Variants in SH3GL2 observed in about 807,000 individuals in gnomAD.
The protein encoded by SH3GL2 is endophilin-A1.
SH3GL2 carries 24 observed loss-of-function variants against 46.0 expected under a neutral mutation model. The ratio of observed to expected loss-of-function variants is 0.52; its 90% CI spans 0.38 to 0.73. The LOEUF (loss-of-function observed/expected upper bound fraction) is 0.73. Ranked by LOEUF, SH3GL2 falls within the 30% of genes least tolerant of loss-of-function variation. The pLI is 0.00. For missense variants in SH3GL2, 413 were observed against 424.2 expected, an observed-to-expected ratio of 0.97 and a Z score of 0.23; for synonymous variants, 196 against 147.1, an observed-to-expected ratio of 1.33 and a Z score of -2.40.
chr9:17,593,656 G>C (rs1818523293), intron 1 of SH3GL2, among the ~76,000 whole-genome samples: 1 of 152,098 alleles, frequency 6.6e-6, no homozygotes, highest in Non-Finnish European at 1.5e-5. Flanking sequence ...GGAGTTTTCT[G>C]CCTGTAATGG....
chr9:17,678,886 G>T (rs140017458), intron 1 of SH3GL2, among the ~76,000 whole-genome samples: 15,405 of 152,106 alleles, frequency 0.1, 994 homozygotes, highest in Admixed American at 0.18. Flanking sequence ...TATTAAATAG[G>T]GAATCCTTTC....
At chr9:17,756,693 T>A (rs1823001166) in intron 2 of SH3GL2, among the ~76,000 whole-genome samples, 1 of 152,136 alleles carries the variant, frequency 6.6e-6, no homozygotes, top group African/African-American at 2.4e-5. Flanking sequence ...CCATGGTGTA[T>A]ATGTGCCACA....
intron 1 of SH3GL2, among the ~76,000 whole-genome samples, chr9:17,718,620 C>T (rs2118325948): frequency 6.6e-6 from 1 of 152,198 alleles, no homozygotes; most frequent in Middle Eastern, 3.4e-3. Flanking sequence ...CCCACTGACT[C>T]AGGGGGCTGA....
intron 2 of SH3GL2, among the ~76,000 whole-genome samples, chr9:17,749,111 A>G (rs1370917640): frequency 1.3e-5 from 2 of 152,186 alleles, no homozygotes; most frequent in Non-Finnish European, 2.9e-5. Context: ...CCAGACTCTT[A>G]CAGCTGAGGC....
intron 1 of SH3GL2, among the ~76,000 whole-genome samples, chr9:17,671,922 G>A (rs1043304485): frequency 6.6e-6 from 1 of 152,210 alleles, no homozygotes; most frequent in East Asian, 1.9e-4. Context: ...TAATAATTGT[G>A]TTACCTCAAC....
chr9:17,659,072 T>G (rs57984248), intron 1 of SH3GL2, among the ~76,000 whole-genome samples: 1 of 152,218 alleles, frequency 6.6e-6, no homozygotes, highest in Admixed American at 6.5e-5. Context: ...TTGCTAGTGG[T>G]ACTTCCTAGG....
chr9:17,752,749 T>G (rs1221970910), intron 2 of SH3GL2, among the ~76,000 whole-genome samples: 1 of 152,158 alleles, frequency 6.6e-6, no homozygotes, highest in African/African-American at 2.4e-5. Context: ...ACGTGCACGT[T>G]TGTTACATAG....
At chr9:17,750,507 TC>T (rs1822812767) in intron 2 of SH3GL2, among the ~76,000 whole-genome samples, 1 of 152,130 alleles carries the variant, frequency 6.6e-6, no homozygotes, top group South Asian at 2.1e-4. Context: ...TTGGATAGAA[TC>T]CTGCGGCTGT....
chr9:17,723,040 C>G (rs948911694), intron 1 of SH3GL2, among the ~76,000 whole-genome samples: 1 of 152,096 alleles, frequency 6.6e-6, no homozygotes, highest in African/African-American at 2.4e-5. Flanking sequence ...ACATTTAAAA[C>G]ACACTCACAG....
chr9:17,613,342 C>T (rs1818911518), intron 1 of SH3GL2, among the ~76,000 whole-genome samples: 1 of 152,192 alleles, frequency 6.6e-6, no homozygotes, highest in Non-Finnish European at 1.5e-5. Context: ...GCCATCCATG[C>T]TCTGCTGAAA....
intron 1 of SH3GL2, among the ~76,000 whole-genome samples, chr9:17,682,371 A>T (rs1005548902): frequency 6.6e-6 from 1 of 152,238 alleles, no homozygotes; most frequent in Non-Finnish European, 1.5e-5. Context: ...ATGGAATACT[A>T]TGCAGCTATG....
chr9:17,702,611 A>G (rs1212104764), intron 1 of SH3GL2, among the ~76,000 whole-genome samples: 2 of 152,114 alleles, frequency 1.3e-5, no homozygotes. Context: ...ATATCATTGC[A>G]TCTAAAACAA....
rs549860116 is a variant in SH3GL2, at chr9:17,602,782, A to G, written c.45+23495A>G. ...ACATTTCTTGTAGGTGAGAATAACA[A>G]GGACTTCTATCACTGAAACATTCTC... On this transcript the variant is annotated intron_variant, in intron 1 of 8. Transcript: ENST00000380607. Among the ~76,000 whole-genome samples, 5 of 93,134 alleles carry G rather than the reference A, an allele frequency of 5.4e-5. No individual in the cohort carries two copies. The East Asian group carries it at 1.1e-3, about 20-fold the overall frequency. 61.1% of individuals were successfully genotyped at this position (93,134 alleles called of 152,430 possible). A position where few individuals can be genotyped will look rare whatever the true frequency, so the allele number is the denominator to read the frequency against.
chr9:17,644,790 G>A (rs1819766239), intron 1 of SH3GL2, among the ~76,000 whole-genome samples: 2 of 152,292 alleles, frequency 1.3e-5, no homozygotes, highest in South Asian at 4.1e-4. Flanking sequence ...TGAGAAGAAT[G>A]TATCTTCTGT....
At position 17,697,922 on chromosome 9, in the gene SH3GL2, G is replaced by T. The variant is rs142223598; in HGVS notation, c.46-49144G>T. 1.8e-3 allele frequency among the ~76,000 whole-genome samples: 277 copies of T among 152,286 alleles called. 2 individuals are homozygous for T. Among genetic ancestry groups the T allele is most frequent in the African/African-American group, 6.3e-3 (260 of 41,544 alleles). ...GGAATTAGTAAATCAGACTGGCATTGAATCTCTGGGAGCTAGAAAATGGGC... is the reference window on the plus strand; with the variant it reads ...GGAATTAGTAAATCAGACTGGCATTTAATCTCTGGGAGCTAGAAAATGGGC... On this transcript the variant is annotated intron_variant, in intron 1 of 8. Transcript: ENST00000380607.
At chr9:17,775,616 G>A (rs1233598604) in intron 3 of SH3GL2, among the ~76,000 whole-genome samples, 1 of 152,166 alleles carries the variant, frequency 6.6e-6, no homozygotes. Flanking sequence ...AAATTATTCG[G>A]CATTTGTCCT....
At chr9:17,755,786 C>T (rs747132254) in intron 2 of SH3GL2, 6 of 985,048 alleles carry the variant, frequency 6.1e-6, no homozygotes, top group Non-Finnish European at 6.0e-6. Flanking sequence ...GTTCACGAGT[C>T]CTTACACCTA....
intron 1 of SH3GL2, among the ~76,000 whole-genome samples, chr9:17,734,815 C>T (rs2118446437): frequency 6.6e-6 from 1 of 152,056 alleles, no homozygotes; most frequent in East Asian, 1.9e-4. Context: ...GGGAAGGAGC[C>T]TGGGCAGTGA....
At chr9:17,691,298 TCTA>T (rs1167948199) in intron 1 of SH3GL2, among the ~76,000 whole-genome samples, 2 of 152,196 alleles carry the variant, frequency 1.3e-5, no homozygotes, top group African/African-American at 4.8e-5. Context: ...TAACCCTAAT[TCTA>T]CTTTTATTTT....
Sources: allele counts gnomAD v4.1 joint callset (sites outside exome capture counted in the v4.1 genomes callset), GRCh38; gene constraint gnomAD v4.1.1; transcripts MANE v1.5; gene names NCBI Gene and HGNC (gene_info 2026-07-23, HGNC 2026-07-21).